LCP2: variants seen among roughly 807,000 people sequenced by gnomAD.
The protein encoded by LCP2 is lymphocyte cytosolic protein 2.
In LCP2, 29 loss-of-function variants were observed where a neutral mutation model predicts 74.5. The ratio of observed to expected loss-of-function variants is 0.39; its 90% CI spans 0.29 to 0.53. The LOEUF (loss-of-function observed/expected upper bound fraction) is 0.53. Ranked by LOEUF, LCP2 falls within the 20% of genes least tolerant of loss-of-function variation. The pLI, the probability that LCP2 is intolerant of heterozygous loss-of-function variation, is 0.72. For missense variants in LCP2, 604 were observed against 634.6 expected, an observed-to-expected ratio of 0.95 and a Z score of 0.52; for synonymous variants, 228 against 229.5, an observed-to-expected ratio of 0.99 and a Z score of 0.06.
At chr5:170,277,067 T>C (rs1581069310) in intron 3 of LCP2, among the ~76,000 whole-genome samples, 3 of 103,602 alleles carry the variant, frequency 2.9e-5, no homozygotes, top group African/African-American at 4.1e-5. Flanking sequence ...AGAGGGAGAC[T>C]CCATCTTAAA....
At position 170,293,203 on chromosome 5, in the gene LCP2, G is replaced by C. The variant is rs1300216369; in HGVS notation, c.141+107C>G. Reference sequence around the variant, plus strand: ...TACCAAATTTCTGGAAAAAGCAAAGGGATCCTCGGGTGTCCCCAGGGAAAG... The same window carrying C: ...TACCAAATTTCTGGAAAAAGCAAAGCGATCCTCGGGTGTCCCCAGGGAAAG... On this transcript the variant is annotated intron_variant, in intron 2 of 20. Transcript: ENST00000046794. 5 of 1,088,562 alleles carry C rather than the reference G, an allele frequency of 4.6e-6. No homozygotes were observed. The East Asian group carries it at 1.3e-4, about 28-fold the overall frequency. The allele number at this position is 1,088,562 out of a possible 1,614,324, so 67.4% of individuals were successfully genotyped here. A position where few individuals can be genotyped will look rare whatever the true frequency, so the allele number is the denominator to read the frequency against.
chr5:170,248,743 C>G lies in LCP2; in HGVS notation c.1556G>C (p.Gly519Ala). 1.2e-6 allele frequency: 2 copies of G among 1,609,892 alleles called. No homozygotes were observed. The highest frequency in any genetic ancestry group is 1.1e-5 in the South Asian group (1 of 90,118). The change falls in exon 21 of 21, where the codon GGT becomes GCT. Residue 519 changes from glycine (G) to alanine (A), a missense_variant. Physicochemically the swap from Gly to Ala is moderately conservative, Grantham distance 60. Coordinates refer to ENST00000046794, the MANE Select transcript of LCP2 (RefSeq NM_005565.5). ...CGTTAATGTGCACTGGTATCTGGAA[C>G]CTCGGTTTTTCCCATCAATGAGCAG... is the stretch of plus-strand genomic sequence containing the variant. Reference protein sequence around the residue: ...PLLLIDGKNRGSRYQCTLTHA... With the variant: ...PLLLIDGKNRASRYQCTLTHA...
At chr5:170,262,488 G>T in intron 13 of LCP2, 147 bp downstream of exon 13, 1 of 617,970 alleles carries the variant, frequency 1.6e-6, no homozygotes, top group Non-Finnish European at 2.9e-6. Flanking sequence ...AACCTGTGAA[G>T]CCTGAACATC....
intron 20 of LCP2, among the ~76,000 whole-genome samples, chr5:170,249,328 C>CA (rs796502017): frequency 9.8e-4 from 133 of 135,280 alleles, no homozygotes; most frequent in African/African-American, 3.4e-3. Flanking sequence ...AACTCCATCT[C>CA]AAAAAAAAAT....
chr5:170,281,422 G>A (rs532003180), intron 3 of LCP2, among the ~76,000 whole-genome samples: 1 of 152,264 alleles, frequency 6.6e-6, no homozygotes, highest in African/African-American at 2.4e-5. Flanking sequence ...TGGGACTACA[G>A]GTGCCTGCCA....
chr5:170,258,828 ATGAGT>A, intron 15 of LCP2, 33 bp downstream of exon 15: 1 of 1,509,534 alleles, frequency 6.6e-7, no homozygotes, highest in Non-Finnish European at 9.1e-7. Flanking sequence ...AAATGAAAGA[ATGAGT>A]TATAGGCTGT....
rs1169906203 is a variant in LCP2, at chr5:170,262,850, T to G, written c.810A>C (p.Pro270=). 3.7e-6 allele frequency: 6 copies of G among 1,614,024 alleles called. 1 individual carries two copies. In the South Asian group the frequency reaches 4.4e-5, roughly 12 times the overall value. Reference sequence around the variant, plus strand: ...AGATGCAACAGTCTTACCTTCCCGCTGGAATCGAGGGCTGCAAGACAGGAG... The same window carrying G: ...AGATGCAACAGTCTTACCTTCCCGCGGGAATCGAGGGCTGCAAGACAGGAG... The part of the protein sequence containing the change: ...KPPFSDKPSI[P]AGRSLGEHLP... The change falls in exon 12 of 21, where the codon CCA becomes CCC. Residue 270 remains proline (P), a synonymous_variant. Coordinates refer to ENST00000046794, the MANE Select transcript of LCP2 (RefSeq NM_005565.5).
intron 1 of LCP2, among the ~76,000 whole-genome samples, 165 bp from the exon 2 acceptor site, chr5:170,293,537 C>T (rs530935903): frequency 1.3e-5 from 2 of 152,338 alleles, no homozygotes; most frequent in East Asian, 1.9e-4. Context: ...ACCTCAGCCT[C>T]GCTTTCACTA....
chr5:170,267,105 C>T (rs1189344445), intron 8 of LCP2, 30 bp from the exon 9 acceptor site: 2 of 1,610,346 alleles, frequency 1.2e-6, no homozygotes, highest in Admixed American at 3.3e-5. Flanking sequence ...TTAGGAAGCA[C>T]TTCCAATACA....
In LCP2 at chr5:170,253,016, C is replaced by T. The variant is rs574360905; in HGVS notation, c.1245+103G>A. The T allele has an allele frequency of 9.0e-4, 626 of 692,116 alleles. 6 individuals carry two copies. The South Asian group carries it at 0.01, about 11-fold the overall frequency. The allele number at this position is 692,116 out of a possible 1,614,324, so 42.9% of individuals were successfully genotyped here. A position where few individuals can be genotyped will look rare whatever the true frequency, so the allele number is the denominator to read the frequency against. ...TTTTTTTCAAATAAATAAAATAAAA[C>T]AAAGGGAAGATAAAAGTACAGAAGA... On this transcript the variant is annotated intron_variant, in intron 18 of 20. Coordinates refer to ENST00000046794, the MANE Select transcript of LCP2 (RefSeq NM_005565.5).
chr5:170,266,602 C>A (rs1761760379), intron 10 of LCP2, among the ~76,000 whole-genome samples: 2 of 152,344 alleles, frequency 1.3e-5, no homozygotes, highest in South Asian at 4.1e-4. Flanking sequence ...GGTCGCTACT[C>A]CCAACACTTG....
intron 5 of LCP2, among the ~76,000 whole-genome samples, chr5:170,275,111 G>T (rs1761985260): frequency 6.6e-6 from 1 of 152,090 alleles, no homozygotes; most frequent in Non-Finnish European, 1.5e-5. Context: ...GGTCCCAGCA[G>T]AACAGGGGCC....
intron 14 of LCP2, among the ~76,000 whole-genome samples, chr5:170,260,021 A>G (rs1031260147): frequency 1.3e-5 from 2 of 152,112 alleles, no homozygotes; most frequent in African/African-American, 4.8e-5. Context: ...CACTGTTCTC[A>G]CTGTCCCTGC....
chr5:170,285,428 C>T (rs1022114842), intron 3 of LCP2, among the ~76,000 whole-genome samples: 4 of 152,134 alleles, frequency 2.6e-5, no homozygotes, highest in African/African-American at 7.2e-5. Flanking sequence ...GATTAGATGC[C>T]TAATATCATA....
chr5:170,276,090 C>A (rs1762003467), intron 3 of LCP2, among the ~76,000 whole-genome samples: 1 of 152,218 alleles, frequency 6.6e-6, no homozygotes, highest in Non-Finnish European at 1.5e-5. Flanking sequence ...CTCTCTCCTC[C>A]TTGCTGATCT....
intron 16 of LCP2, 150 bp downstream of exon 16, chr5:170,257,887 T>G: frequency 1.3e-6 from 1 of 754,078 alleles, no homozygotes; most frequent in South Asian, 1.7e-5. Context: ...TTCTTAATGC[T>G]CAGTTTGGTT....
chr5:170,264,849 T>A (rs924798678), intron 10 of LCP2, among the ~76,000 whole-genome samples: 1 of 151,824 alleles, frequency 6.6e-6, no homozygotes, highest in Non-Finnish European at 1.5e-5. Flanking sequence ...TTGCTGGTAA[T>A]GGGGAGAGTT....
intron 18 of LCP2, 133 bp from the exon 19 acceptor site, chr5:170,252,644 A>G (rs1761471704): frequency 1.7e-6 from 1 of 587,970 alleles, no homozygotes; most frequent in Middle Eastern, 4.5e-4. Flanking sequence ...TGTTTTCTTA[A>G]TTTGCATTCA....
chr5:170,283,176 T>C (rs140852441), intron 3 of LCP2, among the ~76,000 whole-genome samples: 24 of 152,260 alleles, frequency 1.6e-4, no homozygotes, highest in African/African-American at 5.1e-4. Flanking sequence ...CTTTCTAGGG[T>C]GCACATTCAA....
Sources: allele counts gnomAD v4.1 joint callset (sites outside exome capture counted in the v4.1 genomes callset), GRCh38; gene constraint gnomAD v4.1.1; transcripts MANE v1.5; gene names NCBI Gene and HGNC (gene_info 2026-07-23, HGNC 2026-07-21).